The following PLCB4 variants were observed in gnomAD, a reference collection of about 807,000 sequenced individuals.
PLCB4 encodes the protein phospholipase C beta 4.
Under a neutral mutation model 178.8 loss-of-function variants are expected in PLCB4, and 77 were observed. The ratio of observed to expected loss-of-function variants is 0.43; its 90% confidence interval spans 0.36 to 0.52. The LOEUF is 0.52. Ranked by LOEUF, PLCB4 falls within the 20% of genes least tolerant of loss-of-function variation. The pLI is 0.00. For missense variants in PLCB4, 1,024 were observed against 1,453.4 expected, an observed-to-expected ratio of 0.70 and a Z score of 4.80; for synonymous variants, 496 against 490.8, an observed-to-expected ratio of 1.01 and a Z score of -0.14.
chr20:9,093,956 T>C (rs1174472905), intron 1 of PLCB4, among the ~76,000 whole-genome samples: 2 of 152,078 alleles, frequency 1.3e-5, no homozygotes, highest in Non-Finnish European at 2.9e-5. Flanking sequence ...TGTTTCACAG[T>C]GACAGATCAC....
chr20:9,207,695 C>A (rs1568950378), intron 2 of PLCB4, among the ~76,000 whole-genome samples: 1 of 152,142 alleles, frequency 6.6e-6, no homozygotes, highest in Non-Finnish European at 1.5e-5. Context: ...ACCATCTGCT[C>A]CACAATAGGA....
intron 2 of PLCB4, among the ~76,000 whole-genome samples, chr20:9,198,850 G>C (rs2093505391): frequency 6.6e-6 from 1 of 152,160 alleles, no homozygotes; most frequent in Non-Finnish European, 1.5e-5. Flanking sequence ...TCTTTCACCA[G>C]CATATCACTG....
intron 4 of PLCB4, among the ~76,000 whole-genome samples, chr20:9,313,486 C>T (rs2094860799): frequency 6.6e-6 from 1 of 152,096 alleles, no homozygotes; most frequent in African/African-American, 2.4e-5. Flanking sequence ...TAGCCAATCA[C>T]AAACCAAAAA....
chr20:9,273,266 G>C (rs368366929), intron 3 of PLCB4, among the ~76,000 whole-genome samples: 10 of 152,200 alleles, frequency 6.6e-5, no homozygotes, highest in African/African-American at 2.4e-4. Flanking sequence ...ACAATGAAAC[G>C]TCAGAACTTC....
At chr20:9,391,949 C>A (rs978692312) in intron 17 of PLCB4, among the ~76,000 whole-genome samples, 6 of 152,180 alleles carry the variant, frequency 3.9e-5, no homozygotes, top group African/African-American at 1.4e-4. Flanking sequence ...CTCACTTTCC[C>A]ACACCTCTGT....
intron 14 of PLCB4, among the ~76,000 whole-genome samples, chr20:9,385,035 A>G (rs2037464617): frequency 1.3e-5 from 2 of 152,200 alleles, no homozygotes; most frequent in African/African-American, 2.4e-5. Flanking sequence ...GCCTTCTAGC[A>G]TCTGTTTAAC....
intron 3 of PLCB4, among the ~76,000 whole-genome samples, chr20:9,263,056 T>G (rs1269783023): frequency 6.6e-6 from 1 of 152,144 alleles, no homozygotes; most frequent in Non-Finnish European, 1.5e-5. Context: ...TCCTAGATAT[T>G]TACATGCCTA....
chr20:9,342,608 A>C (rs961482090), intron 7 of PLCB4, among the ~76,000 whole-genome samples: 1 of 151,422 alleles, frequency 6.6e-6, no homozygotes, highest in Non-Finnish European at 1.5e-5. Context: ...GTTAGGGACA[A>C]GCCTTTTCAT....
At chr20:9,421,224 C>T in intron 26 of PLCB4, 73 bp from the exon 27 acceptor site, 1 of 1,173,524 alleles carries the variant, frequency 8.5e-7, no homozygotes, top group East Asian at 2.4e-5. Flanking sequence ...GAATTTCTTA[C>T]TTCCTGATTA....
chr20:9,453,520 C>A, intron 33 of PLCB4, 58 bp downstream of exon 33: 2 of 1,014,516 alleles, frequency 2.0e-6, no homozygotes, highest in Non-Finnish European at 3.0e-6. Flanking sequence ...TGTCTTTTCC[C>A]ACAGTTTTGC....
intron 3 of PLCB4, among the ~76,000 whole-genome samples, chr20:9,218,760 A>G (rs1231180121): frequency 6.6e-6 from 1 of 152,184 alleles, no homozygotes; most frequent in African/African-American, 2.4e-5. Context: ...TAGATTTATT[A>G]TTGAATGTTC....
rs2146532332 is a variant in PLCB4 at position 9,084,489 on chromosome 20, T to A, written c.-134-11798T>A. On this transcript the variant is annotated intron_variant, in intron 1 of 39. Transcript: ENST00000378473. ...ATATTTTAATTTCTCTTTAGTTAGT[T>A]GGTGCTTTCTCTTTGTAATTTTTTT... Among the ~76,000 whole-genome samples the A allele has an allele frequency of 2.2e-5, 3 of 138,700 alleles. No homozygotes were observed. In the Middle Eastern group the frequency reaches 0.012, roughly 550 times the overall value. The allele number at this position is 138,700 out of a possible 152,430, so 91.0% of individuals were successfully genotyped here.
rs1350291802 is a variant in PLCB4 at position 9,335,463 on chromosome 20, AG to A, written c.85-1661del. On this transcript the variant is annotated intron_variant, in intron 4 of 39. Transcript: ENST00000378473. ...ACTTCTGGGTTAAGCCTTTTCTAAA[AG>A]GTTGAACTGTCCAAAAATGCCATTT... 2.6e-5 allele frequency among the ~76,000 whole-genome samples: 4 copies of A among 152,336 alleles called. No homozygotes were observed. The East Asian group carries it at 7.7e-4, about 29-fold the overall frequency.
rs748555456 is a variant in PLCB4 at position 9,388,070 on chromosome 20, C to T, written c.1158+514C>T. Among the ~76,000 whole-genome samples, 68 of 152,102 alleles carry T rather than the reference C, an allele frequency of 4.5e-4. 1 individual carries two copies. The highest frequency in any genetic ancestry group is 4.7e-4 in the Non-Finnish European group (32 of 68,032). ...CCTGACCAACATGGGGAAACCCTGT[C>T]TCTACCAAAAATGCAAAATTAGCTG... On this transcript the variant is annotated intron_variant, in intron 15 of 39. Coordinates refer to ENST00000378473, the MANE Select transcript of PLCB4 (RefSeq NM_001377142.1).
intron 35 of PLCB4, among the ~76,000 whole-genome samples, chr20:9,463,950 C>G (rs6086889): frequency 0.094 from 14,367 of 152,194 alleles, 846 homozygotes; most frequent in East Asian, 0.3. Flanking sequence ...CTACAGGACT[C>G]TCCACCCCAA....
chr20:9,234,301 T>C (rs1360668284), intron 3 of PLCB4, among the ~76,000 whole-genome samples: 2 of 152,116 alleles, frequency 1.3e-5, no homozygotes, highest in Non-Finnish European at 1.5e-5. Context: ...CAGTTGGATA[T>C]ATGAGTCTGG....
At chr20:9,156,870 T>A (rs2092801121) in intron 2 of PLCB4, among the ~76,000 whole-genome samples, 1 of 111,728 alleles carries the variant, frequency 9.0e-6, no homozygotes, top group Non-Finnish European at 1.7e-5. Flanking sequence ...CCTTCCTTCC[T>A]TCCTTCCTTC....
rs143595903 is a variant in PLCB4 at position 9,089,984 on chromosome 20, C to T, written c.-134-6303C>T. 2.1e-3 allele frequency among the ~76,000 whole-genome samples: 324 copies of T among 152,182 alleles called. 1 individual carries two copies. Among genetic ancestry groups the T allele is most frequent in the Non-Finnish European group, 3.8e-3 (258 of 67,994 alleles). On this transcript the variant is annotated intron_variant, in intron 1 of 39. Coordinates refer to ENST00000378473, the MANE Select transcript of PLCB4 (RefSeq NM_001377142.1). ...GCAAGGTAAGCATTCGTAAAGGAGT[C>T]CTAATTTACTAGAAAGCTTGAAGTT...
chr20:9,194,269 T>G (rs1263884878), intron 2 of PLCB4, among the ~76,000 whole-genome samples: 3 of 152,224 alleles, frequency 2.0e-5, no homozygotes, highest in African/African-American at 7.2e-5. Flanking sequence ...TAGATAGGCC[T>G]TACTGTTTAG....
Sources: gnomAD v4.1 joint callset for allele counts (sites outside exome capture counted in the v4.1 genomes callset) on GRCh38, gnomAD v4.1.1 for gene constraint, MANE v1.5 for transcripts, NCBI Gene and HGNC (gene_info 2026-07-23, HGNC 2026-07-21) for gene names.